PRR35: variants seen among roughly 807,000 people sequenced by gnomAD.
PRR35 encodes proline-rich protein 35.
PRR35 carries 14 observed loss-of-function variants against 18.6 expected under a neutral mutation model. That is an observed-to-expected ratio of 0.75 (90% CI 0.50 to 1.18). PRR35 has a LOEUF of 1.18. Ranked by LOEUF, PRR35 falls within the 50% of genes most tolerant of loss-of-function variation. The pLI is 0.00. For missense variants in PRR35, 832 were observed against 792.2 expected (o/e 1.05, Z -0.60); for synonymous variants, 425 against 378.2 (o/e 1.12, Z -1.43).
chr16:562,608 C>G (rs1180707268), intron 1 of PRR35, among the ~76,000 whole-genome samples: 3 of 76,452 alleles, frequency 3.9e-5, no homozygotes, highest in African/African-American at 1.3e-4. Flanking sequence ...CACACACAGG[C>G]ACACACACAC....
intron 1 of PRR35, among the ~76,000 whole-genome samples, chr16:561,459 C>T (rs1011200213): frequency 2.0e-5 from 3 of 152,104 alleles, no homozygotes; most frequent in African/African-American, 4.8e-5. Context: ...GGGGGGGCGG[C>T]GGGCAGGGAG....
At chr16:560,386 C>T (rs1456239366), upstream of PRR35, 8 of 982,832 alleles carry the variant, frequency 8.1e-6, no homozygotes, top group African/African-American at 1.8e-5. Context: ...GCGCCCGCCT[C>T]TGCCGCCAAC....
chr16:563,787 G>C lies in PRR35; in HGVS notation c.493G>C (p.Gly165Arg), dbSNP rs751678258. 2.7e-6 allele frequency: 4 copies of C among 1,498,276 alleles called. No homozygotes were observed. Among genetic ancestry groups the C allele is most frequent in the Non-Finnish European group, 3.6e-6 (4 of 1,123,610 alleles). 92.8% of individuals were successfully genotyped at this position (1,498,276 alleles called of 1,614,324 possible). The change falls in exon 2 of 3, where the codon GGG becomes CGG. Residue 165 changes from glycine to arginine, a missense_variant. Around this residue, in one of 3 missense-constraint regions of PRR35, gnomAD observed 768 missense variants for 704.1 expected, o/e 1.09. Transcript: ENST00000409413. ...SGLLPESWKP[G>R]MGGDPRGVGA... ...GCTCCTGCCTGAGTCGTGGAAGCCG[G>C]GGATGGGAGGGGACCCAAGGGGCGT... is the stretch of plus-strand genomic sequence containing the variant.
At chr16:564,525 C>G (rs893333630) in intron 2 of PRR35, 149 bp downstream of exon 2, 48 of 1,406,404 alleles carry the variant, frequency 3.4e-5, no homozygotes, top group Non-Finnish European at 4.3e-5. Context: ...GGAACTGAGA[C>G]CCGAGAGCCA....
Position 564,882 on chromosome 16 carries a change from C to G in PRR35, c.1291C>G (p.Leu431Val). 1.3e-6 allele frequency: 2 copies of G among 1,577,028 alleles called. No homozygotes were observed. The highest frequency in any genetic ancestry group is 1.7e-6 in the Non-Finnish European group (2 of 1,166,132). ...GGGACAGTTGGGGCCCGCGGGGGGC[C>G]TGGCCCCGAGACCCCTGCGGGAGCA... ...RLGQLGPAGG[L>V]APRPLREQLG... The change falls in exon 3 of 3, where the codon CTG becomes GTG. Residue 431 changes from leucine (L) to valine (V), a missense_variant. Transcript: ENST00000409413.
In PRR35 at chr16:560,494, C is replaced by A. The variant is rs925891623; in HGVS notation, c.-207C>A. 6.1e-6 allele frequency: 6 copies of A among 982,294 alleles called. No individual in the cohort carries two copies. In the African/African-American group the frequency reaches 1.1e-4, roughly 17 times the overall value. 60.8% of individuals were successfully genotyped at this position (982,294 alleles called of 1,614,324 possible). A position where few individuals can be genotyped will look rare whatever the true frequency, so the allele number is the denominator to read the frequency against. ...GACCGCGGACCCGGGAGGTCCGGCTCCCGGCGCCGGGCCTCAGTTTCCCCC... is the reference window on the plus strand; with the variant it reads ...GACCGCGGACCCGGGAGGTCCGGCTACCGGCGCCGGGCCTCAGTTTCCCCC... On this transcript the variant is annotated 5_prime_UTR_variant, in exon 1 of 3. Transcript: ENST00000409413.
intron 1 of PRR35, among the ~76,000 whole-genome samples, chr16:561,478 G>A (rs1413196051): frequency 3.3e-5 from 5 of 152,156 alleles, no homozygotes; most frequent in Non-Finnish European, 5.9e-5. Flanking sequence ...AGAAGGGGCC[G>A]CCTCTGCACC....
At chr16:560,711 G>A in intron 1 of PRR35, 50 bp downstream of exon 1, 1 of 976,502 alleles carries the variant, frequency 1.0e-6, no homozygotes, top group Non-Finnish European at 1.2e-6. Context: ...TCGCGGGGCC[G>A]GCTGGACGCG....
intron 1 of PRR35, among the ~76,000 whole-genome samples, chr16:562,027 T>G (rs1285197794): frequency 6.6e-6 from 1 of 152,184 alleles, no homozygotes; most frequent in African/African-American, 2.4e-5. Context: ...CTCCGGGCAC[T>G]GGGTGAGGGC....
upstream of PRR35, chr16:560,350 C>G (rs866008936): frequency 1.3e-3 from 1,282 of 982,282 alleles, 14 homozygotes; most frequent in African/African-American, 0.02. Flanking sequence ...GCAGCGCCCC[C>G]CGGAGCCCGG....
intron 1 of PRR35, among the ~76,000 whole-genome samples, chr16:562,653 G>T (rs1323466546): frequency 6.6e-6 from 1 of 152,208 alleles, no homozygotes; most frequent in African/African-American, 2.4e-5. Flanking sequence ...CCCTTCCGTT[G>T]GTGTCTCATC....
At position 564,369 on chromosome 16, in the gene PRR35, CG is replaced by C; in HGVS notation, c.1077del (p.Ser360AlafsTer9). The part of the protein sequence containing the change: ...ASPSLTRFCS[R>X]SSLPTGSSVM... ...CCCCAGCCTGACAAGGTTCTGTTCC[CG>C]GAGCAGGTGGGCGTCTTGGGCTCCC... On this transcript the variant is annotated frameshift_variant, in exon 2 of 3. Coordinates refer to ENST00000409413, the MANE Select transcript of PRR35 (RefSeq NM_145270.3). LOFTEE classifies it low-confidence loss of function (END_TRUNC). 2.5e-6 allele frequency: 4 copies of C among 1,589,446 alleles called. No individual in the cohort carries two copies. The highest frequency in any genetic ancestry group is 3.4e-6 in the Non-Finnish European group (4 of 1,175,392).
rs775414735 is a variant in PRR35, at chr16:564,049, T to G, written c.755T>G (p.Val252Gly). 1.5e-5 allele frequency: 23 copies of G among 1,550,110 alleles called. No individual in the cohort carries two copies. In the South Asian group the frequency reaches 2.7e-4, roughly 18 times the overall value. ...LLPPATAFPA[V>G]QPPQRPTPAP... ...CCCCCGGCCACGGCCTTCCCAGCCG[T>G]GCAGCCCCCTCAGCGCCCCACCCCG... is the stretch of plus-strand genomic sequence containing the variant. Residue 252 changes from valine (V) to glycine (G), a missense_variant, in exon 2 of 3, where the codon GTG (valine) becomes GGG (glycine). Coordinates refer to ENST00000409413, the MANE Select transcript of PRR35 (RefSeq NM_145270.3).
chr16:560,662 G>A lies in PRR35; in HGVS notation c.-40+1G>A. 2 of 983,338 alleles carry A rather than the reference G, an allele frequency of 2.0e-6. No homozygotes were observed. The highest frequency in any genetic ancestry group is 2.4e-6 in the Non-Finnish European group (2 of 828,962). The allele number at this position is 983,338 out of a possible 1,614,324, so 60.9% of individuals were successfully genotyped here. A position where few individuals can be genotyped will look rare whatever the true frequency, so the allele number is the denominator to read the frequency against. On this transcript the variant is annotated splice_donor_variant, in intron 1 of 2. Coordinates refer to ENST00000409413, the MANE Select transcript of PRR35 (RefSeq NM_145270.3). LOFTEE classifies it low-confidence loss of function (5UTR_SPLICE). ...CGGCTCCGCTCCCGGCCGGGCGCAG[G>A]TAGGAGCGGCGGGAGCCGCGGGGGC... is the stretch of plus-strand genomic sequence containing the variant.
chr16:562,087 A>C (rs1364118092), intron 1 of PRR35, among the ~76,000 whole-genome samples: 1 of 152,224 alleles, frequency 6.6e-6, no homozygotes, highest in Non-Finnish European at 1.5e-5. Flanking sequence ...CCGTGTGCGC[A>C]GGCGTGCTGT....
intron 1 of PRR35, 39 bp from the exon 2 acceptor site, chr16:563,213 TAGTC>T (rs1596374689): frequency 2.1e-6 from 3 of 1,445,966 alleles, no homozygotes; most frequent in Non-Finnish European, 2.7e-6. Context: ...AGTGGGGAGT[TAGTC>T]AGAGGCAGGC....
chr16:565,291 AG>A lies in PRR35; in HGVS notation c.1703del (p.Gly568AlafsTer73), dbSNP rs1186713248. The A allele has an allele frequency of 4.0e-6, 6 of 1,518,942 alleles. No individual in the cohort carries two copies. The Admixed American group carries it at 1.0e-4, about 26-fold the overall frequency. 94.1% of individuals were successfully genotyped at this position (1,518,942 alleles called of 1,614,324 possible). A position where few individuals can be genotyped will look rare whatever the true frequency, so the allele number is the denominator to read the frequency against. On this transcript the variant is annotated frameshift_variant, in exon 3 of 3. Transcript: ENST00000409413. LOFTEE classifies it high-confidence loss of function. ...GCTGTCTGTGGCCTGCAGAGCCCCCAGGGCGCCGAGGTCTGACCTGCAGCGC... is the reference window on the plus strand; with the variant it reads ...GCTGTCTGTGGCCTGCAGAGCCCCCAGGCGCCGAGGTCTGACCTGCAGCGC... ...PEAVCGLQSPQGAEV is the reference protein window; with the variant it reads ...PEAVCGLQSPXGAEV
chr16:564,912 G>C lies in PRR35; in HGVS notation c.1321G>C (p.Gly441Arg). 1.3e-6 allele frequency: 2 copies of C among 1,596,816 alleles called. No homozygotes were observed. Among genetic ancestry groups the C allele is most frequent in the Non-Finnish European group, 1.7e-6 (2 of 1,175,390 alleles). Reference sequence around the variant, plus strand: ...CCCGAGACCCCTGCGGGAGCAGCTGGGCAAGATCCGCCTGGAGCTGCTCAC... The same window carrying C: ...CCCGAGACCCCTGCGGGAGCAGCTGCGCAAGATCCGCCTGGAGCTGCTCAC... The part of the protein sequence containing the change: ...LAPRPLREQL[G>R]KIRLELLTIH... The change falls in exon 3 of 3, where the codon GGC becomes CGC. Residue 441 changes from glycine to arginine, a missense_variant. Around this residue, in one of 3 missense-constraint regions of PRR35, gnomAD observed 768 missense variants for 704.1 expected, o/e 1.09. Transcript: ENST00000409413.
chr16:563,507 C>T lies in PRR35; in HGVS notation c.213C>T (p.Ser71=), dbSNP rs768008102. 1.6e-5 allele frequency: 26 copies of T among 1,612,240 alleles called. No individual in the cohort carries two copies. Among genetic ancestry groups the T allele is most frequent in the Non-Finnish European group, 2.2e-5 (26 of 1,179,584 alleles). ...CKDSLSLLLD[S]PDWACRRGST... is the part of the protein sequence containing the mutation. Reference sequence around the variant, plus strand: ...ACTCCCTGTCCCTGCTGCTAGACTCCCCAGACTGGGCGTGCCGCCGTGGCT... The same window carrying T: ...ACTCCCTGTCCCTGCTGCTAGACTCTCCAGACTGGGCGTGCCGCCGTGGCT... The change falls in exon 2 of 3, where the codon TCC becomes TCT. Residue 71 remains serine, a synonymous_variant. Coordinates refer to ENST00000409413, the MANE Select transcript of PRR35 (RefSeq NM_145270.3).
Sources: gnomAD v4.1 joint callset for allele counts (sites outside exome capture counted in the v4.1 genomes callset) on GRCh38, gnomAD v4.1.1 for gene constraint, gnomAD v4.1.1 regional missense constraint, MANE v1.5 for transcripts, NCBI Gene and HGNC (gene_info 2026-07-23, HGNC 2026-07-21) for gene names.